FSD2: variants seen among roughly 807,000 people sequenced by gnomAD.
The protein encoded by FSD2 is fibronectin type III and SPRY domain containing 2.
Under a neutral mutation model 80.4 loss-of-function variants are expected in FSD2, and 71 were observed. The ratio of observed to expected loss-of-function variants is 0.88; its 90% CI spans 0.73 to 1.08. The LOEUF (loss-of-function observed/expected upper bound fraction) is 1.08, where lower values mean the gene tolerates loss of function less well. Among genes scored for constraint, FSD2 ranks in the 50% least tolerant of loss-of-function variants. The pLI is 0.00. For missense variants in FSD2, 923 were observed against 913.8 expected, an observed-to-expected ratio of 1.01 and a Z score of -0.13; for synonymous variants, 361 against 329.5, an observed-to-expected ratio of 1.10 and a Z score of -1.03.
At position 82,772,077 on chromosome 15, in the gene FSD2, T is replaced by C. The variant is rs1221416869; in HGVS notation, c.1263A>G (p.Gln421=). ...ATGTTCCTGGCAGAGCCTCACCTGC[T>C]TGGTCCGTCCCAGGTGAGCTGTCCT... ...PVQDSSPGTD[Q]AEFTVTVKET... Residue 421 remains glutamine, a synonymous_variant, in exon 7 of 13, where the codon CAA becomes CAG. Transcript: ENST00000334574. 2 of 1,563,478 alleles carry C rather than the reference T, an allele frequency of 1.3e-6. No individual in the cohort carries two copies. The highest frequency in any genetic ancestry group is 4.0e-5 in the Admixed American group (2 of 49,722).
chr15:82,793,969 C>G (rs575919676), intron 1 of FSD2, among the ~76,000 whole-genome samples: 1 of 151,716 alleles, frequency 6.6e-6, no homozygotes, highest in African/African-American at 2.4e-5. Context: ...TTAATTTTCC[C>G]TATTGTTTTT....
intron 8 of FSD2, 24 bp from the exon 9 acceptor site, chr15:82,769,054 A>T: frequency 6.5e-7 from 1 of 1,543,502 alleles, no homozygotes; most frequent in Non-Finnish European, 8.7e-7. Context: ...AAAGGGAGAG[A>T]TGAACAACTG....
In FSD2 at chr15:82,783,004, GTTC is replaced by G; in HGVS notation, c.754_756del (p.Glu252del). Reference sequence around the variant, plus strand: ...TCGTTGTAATGTGACTCAAAGTTTTGTTCTTGTTTTCCAAAATTCTCCTGCAAG... The same window carrying G: ...TCGTTGTAATGTGACTCAAAGTTTTGTTGTTTTCCAAAATTCTCCTGCAAG... On this transcript the variant is annotated inframe_deletion, in exon 4 of 13. Transcript: ENST00000334574. 6.2e-7 allele frequency: 1 copy of G among 1,611,646 alleles called. No homozygotes were observed. Among genetic ancestry groups the G allele is most frequent in the South Asian group, 1.1e-5 (1 of 90,422 alleles).
At chr15:82,762,343 G>A in intron 11 of FSD2, 65 bp from the exon 12 acceptor site, 1 of 1,507,064 alleles carries the variant, frequency 6.6e-7, no homozygotes, top group Non-Finnish European at 9.0e-7. Flanking sequence ...GCAGGTCAGT[G>A]ATGCCAGTTG....
At chr15:82,769,947 T>G in intron 7 of FSD2, 63 bp from the exon 8 acceptor site, 1 of 1,591,878 alleles carries the variant, frequency 6.3e-7, no homozygotes, top group Non-Finnish European at 8.6e-7. Flanking sequence ...CAATTCATTA[T>G]GCCGAATCCC....
intron 1 of FSD2, among the ~76,000 whole-genome samples, chr15:82,800,000 C>T (rs888960774): frequency 6.6e-6 from 1 of 152,170 alleles, no homozygotes; most frequent in Non-Finnish European, 1.5e-5. Flanking sequence ...GACTGCCTGC[C>T]CTTCCCTCTG....
chr15:82,801,769 T>C (rs781731291), intron 1 of FSD2, among the ~76,000 whole-genome samples: 3 of 152,152 alleles, frequency 2.0e-5, no homozygotes, highest in Non-Finnish European at 4.4e-5. Context: ...ACATGGAAGA[T>C]AGTGGTAAAT....
chr15:82,756,134 C>A lies in FSD2; in HGVS notation c.*3214G>T. ...AGTAGTACACTTATAGATGAGAAAA[C>A]TGGAGAAAGACATAGTGAACATGTG... On this transcript the variant is annotated 3_prime_UTR_variant, in exon 13 of 13. Transcript: ENST00000334574. 1 of 351,338 alleles carries A rather than the reference C, an allele frequency of 2.8e-6. No individual in the cohort carries two copies. The highest frequency in any genetic ancestry group is 2.5e-5 in the South Asian group (1 of 39,986). The allele number at this position is 351,338 out of a possible 1,614,324, so 21.8% of individuals were successfully genotyped here.
intron 6 of FSD2, among the ~76,000 whole-genome samples, chr15:82,776,626 T>C (rs558011167): frequency 6.6e-6 from 1 of 151,812 alleles, no homozygotes; most frequent in Non-Finnish European, 1.5e-5. Context: ...ATTCATAGAT[T>C]GGAAGAATTA....
At chr15:82,767,888 C>T (rs1390582010) in intron 9 of FSD2, among the ~76,000 whole-genome samples, 2 of 152,210 alleles carry the variant, frequency 1.3e-5, no homozygotes, top group African/African-American at 4.8e-5. Context: ...TTCTCCAGCT[C>T]CAGGTCAGTG....
intron 1 of FSD2, among the ~76,000 whole-genome samples, chr15:82,798,876 T>G (rs1315769049): frequency 6.9e-6 from 1 of 145,186 alleles, no homozygotes; most frequent in African/African-American, 2.6e-5. Flanking sequence ...CTCCACTGTT[T>G]TGTTTTTTTT....
At chr15:82,765,824 A>G in intron 10 of FSD2, 74 bp downstream of exon 10, 1 of 1,491,988 alleles carries the variant, frequency 6.7e-7, no homozygotes, top group Non-Finnish European at 9.0e-7. Flanking sequence ...TTCCCAGTGA[A>G]GTCATAGCAG....
rs1246402267 is a variant in FSD2, at chr15:82,765,938, G to GC, written c.1646dup (p.Ser551GlnfsTer31). On this transcript the variant is annotated frameshift_variant, in exon 10 of 13. Coordinates refer to ENST00000334574, the MANE Select transcript of FSD2 (RefSeq NM_001007122.4). LOFTEE classifies it high-confidence loss of function. The stretch of plus-strand genomic sequence containing the variant: ...TAGCTGGCTCGCTCCTCACGCTGGG[G>GC]CCCCCCATATTGAGGGCTCGCACAT... The GC allele has an allele frequency of 6.2e-7, 1 of 1,609,638 alleles. No individual in the cohort carries two copies. Among genetic ancestry groups the GC allele is most frequent in the Non-Finnish European group, 8.5e-7 (1 of 1,178,770 alleles).
At chr15:82,780,518 A>T (rs28438596) in intron 4 of FSD2, among the ~76,000 whole-genome samples, 2,660 of 151,920 alleles carry the variant, frequency 0.018, 76 homozygotes, top group African/African-American at 0.06. Flanking sequence ...TATTTTTAGT[A>T]GAGACAGCGT....
intron 11 of FSD2, among the ~76,000 whole-genome samples, chr15:82,764,623 C>T (rs1433375746): frequency 6.6e-6 from 1 of 151,044 alleles, no homozygotes; most frequent in Non-Finnish European, 1.5e-5. Context: ...GGATTACAGG[C>T]ACCCGCAACA....
intron 7 of FSD2, among the ~76,000 whole-genome samples, chr15:82,770,141 A>G (rs529571389): frequency 1.3e-5 from 2 of 152,344 alleles, no homozygotes; most frequent in Admixed American, 6.5e-5. Context: ...AAGCAGAGGC[A>G]TGGAAGTGCT....
chr15:82,787,502 G>C (rs1180977727), intron 1 of FSD2, 34 bp from the exon 2 acceptor site: 1 of 1,058,218 alleles, frequency 9.4e-7, no homozygotes, highest in Non-Finnish European at 1.4e-6. Flanking sequence ...AATCATTTCT[G>C]GAGAAGGGCA....
intron 3 of FSD2, among the ~76,000 whole-genome samples, chr15:82,784,075 C>G (rs970151167): frequency 1.3e-5 from 2 of 152,004 alleles, no homozygotes; most frequent in Admixed American, 6.6e-5. Context: ...GGAGTAATTA[C>G]TGAACACCTG....
Position 82,768,939 on chromosome 15 carries a change from C to A in FSD2, c.1494G>T (p.Val498=). Residue 498 remains valine, a synonymous_variant, in exon 9 of 13, where the codon GTG becomes GTT. Coordinates refer to ENST00000334574, the MANE Select transcript of FSD2 (RefSeq NM_001007122.4). ...ICWESGNLNP[V]DSYTVELTQA... ...GGGTCAGCTCCACAGTGTACGAGTC[C>A]ACAGGATTCAGGTTCCCAGACTCCC... 1.2e-6 allele frequency: 2 copies of A among 1,607,798 alleles called. No individual in the cohort carries two copies. The highest frequency in any genetic ancestry group is 1.7e-6 in the Non-Finnish European group (2 of 1,177,184).
Sources: gnomAD v4.1 joint callset for allele counts (sites outside exome capture counted in the v4.1 genomes callset) on GRCh38, gnomAD v4.1.1 for gene constraint, MANE v1.5 for transcripts, NCBI Gene and HGNC (gene_info 2026-07-23, HGNC 2026-07-21) for gene names.